ADK: variants seen among roughly 807,000 people sequenced by gnomAD.
The protein encoded by ADK is adenosine kinase, also known as N6,N6-dimethyladenosine kinase.
A neutral mutation model predicts 44.7 loss-of-function variants in ADK; 24 were observed. The ratio of observed to expected loss-of-function variants is 0.54; its 90% CI spans 0.39 to 0.76. The LOEUF (loss-of-function observed/expected upper bound fraction) is 0.76, where lower values mean the gene tolerates loss of function less well. Ranked by LOEUF, ADK falls within the 30% of genes least tolerant of loss-of-function variation. The probability of loss-of-function intolerance (pLI) is 0.00; values close to 1 mark genes in which losing one functional copy is unlikely to be tolerated. For synonymous variants in ADK, 128 were observed against 142.6 expected, an observed-to-expected ratio of 0.90 and a Z score of 0.73; for missense variants, 321 against 425.1, an observed-to-expected ratio of 0.76 and a Z score of 2.15.
intron 3 of ADK, among the ~76,000 whole-genome samples, chr10:74,296,894 G>T (rs1360838036): frequency 1.3e-5 from 2 of 152,048 alleles, no homozygotes; most frequent in Non-Finnish European, 2.9e-5. Flanking sequence ...GATTACAGGC[G>T]TGAGTCATCG....
intron 3 of ADK, 140 bp downstream of exon 3, chr10:74,224,731 A>G (rs1844464950): frequency 2.8e-6 from 2 of 719,230 alleles, no homozygotes; most frequent in South Asian, 1.5e-5. Flanking sequence ...AACAATTATG[A>G]TAACCTACAC....
At chr10:74,208,690 GTATT>G (rs1349983861) in intron 2 of ADK, among the ~76,000 whole-genome samples, 1 of 151,506 alleles carries the variant, frequency 6.6e-6, no homozygotes, top group Non-Finnish European at 1.5e-5. Context: ...CATTAGATAA[GTATT>G]TAGATAAGTA....
At chr10:74,292,305 C>T (rs184804673) in intron 3 of ADK, among the ~76,000 whole-genome samples, 72 of 152,206 alleles carry the variant, frequency 4.7e-4, no homozygotes, top group Non-Finnish European at 7.8e-4. Flanking sequence ...ATGTGGTAGT[C>T]GGTGTATAGG....
intron 10 of ADK, among the ~76,000 whole-genome samples, chr10:74,680,568 G>T: frequency 6.6e-6 from 1 of 151,678 alleles, no homozygotes. Flanking sequence ...TTTGTAATTA[G>T]TGTAATCTTT....
intron 7 of ADK, among the ~76,000 whole-genome samples, chr10:74,576,313 A>G (rs961167488): frequency 2.0e-5 from 3 of 152,094 alleles, no homozygotes; most frequent in African/African-American, 7.2e-5. Flanking sequence ...GTGGAGTTGG[A>G]AGATCCAAAA....
At chr10:74,565,692 A>G (rs1053856673) in intron 7 of ADK, among the ~76,000 whole-genome samples, 6 of 136,602 alleles carry the variant, frequency 4.4e-5, no homozygotes, top group Non-Finnish European at 9.0e-5. Flanking sequence ...ATGCCATTGC[A>G]CTCCAGCCTG....
At chr10:74,226,382 T>C (rs1016732934) in intron 3 of ADK, among the ~76,000 whole-genome samples, 3 of 152,098 alleles carry the variant, frequency 2.0e-5, no homozygotes, top group African/African-American at 7.2e-5. Context: ...GCTGGGATTA[T>C]CACAGGCTTG....
At chr10:74,435,704 C>A (rs1845158388) in intron 6 of ADK, among the ~76,000 whole-genome samples, 2 of 151,836 alleles carry the variant, frequency 1.3e-5, no homozygotes, top group African/African-American at 2.4e-5. Flanking sequence ...CAGGGGAACA[C>A]AAAATTAACA....
chr10:74,294,378 C>T (rs550358845), intron 3 of ADK, among the ~76,000 whole-genome samples: 2 of 152,160 alleles, frequency 1.3e-5, no homozygotes, highest in South Asian at 2.1e-4. Flanking sequence ...CCTCCACCTC[C>T]CGGGTTCAAG....
At chr10:74,253,256 G>A (rs1298617750) in intron 3 of ADK, among the ~76,000 whole-genome samples, 1 of 152,252 alleles carries the variant, frequency 6.6e-6, no homozygotes, top group Non-Finnish European at 1.5e-5. Flanking sequence ...GCAGAGAGTA[G>A]CAGTTCAGGG....
intron 6 of ADK, among the ~76,000 whole-genome samples, chr10:74,420,643 A>T (rs1844525143): frequency 6.6e-6 from 1 of 152,150 alleles, no homozygotes; most frequent in African/African-American, 2.4e-5. Context: ...TGAACAACTT[A>T]AAAGTTGATC....
At chr10:74,534,919 A>T (rs976173944) in intron 7 of ADK, among the ~76,000 whole-genome samples, 2 of 152,188 alleles carry the variant, frequency 1.3e-5, no homozygotes, top group Admixed American at 6.5e-5. Flanking sequence ...ACTTGGTGAA[A>T]TTTGTGTTCA....
chr10:74,363,469 C>T (rs1265862580), intron 4 of ADK, among the ~76,000 whole-genome samples: 1 of 152,140 alleles, frequency 6.6e-6, no homozygotes, highest in Non-Finnish European at 1.5e-5. Flanking sequence ...CATGTTGGCT[C>T]AGATGGGCGT....
At position 74,274,732 on chromosome 10, in the gene ADK, G is replaced by GTGTATATATATATATATATATA. The variant is rs1554836801; in HGVS notation, c.195-39934_195-39933insGTATATATATATATATATATAT. On this transcript the variant is annotated intron_variant, in intron 3 of 10. Transcript: ENST00000539909. ...TAGTAGGAGAAAAATTTTAATGTGT[G>GTGTATATATATATATATATATA]TATATATATATATATACACACACAC... Among the ~76,000 whole-genome samples the GTGTATATATATATATATATATA allele has an allele frequency of 2.8e-3, 232 of 84,166 alleles. 11 individuals carry two copies. Among genetic ancestry groups the GTGTATATATATATATATATATA allele is most frequent in the Admixed American group, 3.2e-3 (24 of 7,516 alleles). The allele number at this position is 84,166 out of a possible 152,430, so 55.2% of individuals were successfully genotyped here.
intron 6 of ADK, among the ~76,000 whole-genome samples, chr10:74,468,535 G>A (rs1458891006): frequency 1.3e-5 from 2 of 152,246 alleles, no homozygotes; most frequent in South Asian, 2.1e-4. Flanking sequence ...TCAGTATGAT[G>A]TGCTGGATAG....
chr10:74,247,224 G>T (rs964734509), intron 3 of ADK, among the ~76,000 whole-genome samples: 46 of 71,978 alleles, frequency 6.4e-4, no homozygotes, highest in East Asian at 1.8e-3. Context: ...TTTTTTTTAA[G>T]TTTTTTTTTT....
At chr10:74,185,521 ATT>A (rs11368451) in intron 1 of ADK, among the ~76,000 whole-genome samples, 58 of 144,752 alleles carry the variant, frequency 4.0e-4, no homozygotes, top group Non-Finnish European at 5.6e-4. Context: ...CAACAATATA[ATT>A]TTTTTTTTTT....
intron 2 of ADK, among the ~76,000 whole-genome samples, chr10:74,213,130 C>T (rs932070146): frequency 7.9e-5 from 12 of 152,076 alleles, no homozygotes; most frequent in Non-Finnish European, 1.3e-4. Flanking sequence ...TTTCTGGAGA[C>T]AGGGTCTTGC....
At chr10:74,304,313 A>C (rs915877663) in intron 3 of ADK, among the ~76,000 whole-genome samples, 15 of 152,084 alleles carry the variant, frequency 9.9e-5, no homozygotes, top group Admixed American at 1.3e-4. Context: ...ATTTTTCCAC[A>C]ATTATAAACT....
Sources: allele counts gnomAD v4.1 joint callset (sites outside exome capture counted in the v4.1 genomes callset), GRCh38; gene constraint gnomAD v4.1.1; transcripts MANE v1.5; gene names NCBI Gene and HGNC (gene_info 2026-07-23, HGNC 2026-07-21).